Variants in RGL1 observed in about 807,000 individuals in gnomAD.
RGL1 encodes ral guanine nucleotide dissociation stimulator like 1.
Under a neutral mutation model 95.2 loss-of-function variants are expected in RGL1, and 24 were observed. The observed-to-expected ratio is 0.25, with a 90% CI of 0.18 to 0.35. RGL1 has a LOEUF of 0.35. Among genes scored for constraint, RGL1 ranks in the 10% least tolerant of loss-of-function variants. The probability of loss-of-function intolerance (pLI) is 1.00; values close to 1 mark genes in which losing one functional copy is unlikely to be tolerated. For missense variants in RGL1, 715 were observed against 936.3 expected, an observed-to-expected ratio of 0.76 and a Z score of 3.08; for synonymous variants, 329 against 344.9, an observed-to-expected ratio of 0.95 and a Z score of 0.51.
intron 1 of RGL1, among the ~76,000 whole-genome samples, chr1:183,643,164 A>G (rs1228511437): frequency 2.6e-5 from 4 of 152,234 alleles, no homozygotes. Context: ...GTATCCATTC[A>G]TCTGTCAATG....
At chr1:183,805,414 T>A in intron 1 of RGL1, 90 bp downstream of exon 1, 1 of 1,126,954 alleles carries the variant, frequency 8.9e-7, no homozygotes, top group Non-Finnish European at 1.3e-6. Flanking sequence ...TCCCTCGGAG[T>A]GAACGGAGCA....
intron 1 of RGL1, among the ~76,000 whole-genome samples, chr1:183,734,601 T>C (rs751786206): frequency 1.3e-5 from 2 of 152,220 alleles, no homozygotes; most frequent in African/African-American, 2.4e-5. Flanking sequence ...ACTATTGAAC[T>C]GGATGATGCT....
At chr1:183,798,869 C>G (rs1411678125) in intron 2 of RGL1, among the ~76,000 whole-genome samples, 1 of 145,728 alleles carries the variant, frequency 6.9e-6, no homozygotes, top group Non-Finnish European at 1.5e-5. Context: ...CCACAGATGG[C>G]AGGATTTCCT....
chr1:183,726,768 A>T (rs1216854569), intron 1 of RGL1, among the ~76,000 whole-genome samples: 1 of 152,192 alleles, frequency 6.6e-6, no homozygotes, highest in Non-Finnish European at 1.5e-5. Context: ...GCTTGGGACC[A>T]GAAGGACTTT....
At chr1:183,896,330 C>T (rs754098202) in intron 9 of RGL1, among the ~76,000 whole-genome samples, 10 of 152,198 alleles carry the variant, frequency 6.6e-5, no homozygotes, top group South Asian at 2.1e-4. Flanking sequence ...GGATTACAGG[C>T]GCATGCCGCC....
At chr1:183,763,304 G>A (rs1658801470) in intron 2 of RGL1, among the ~76,000 whole-genome samples, 3 of 152,106 alleles carry the variant, frequency 2.0e-5, no homozygotes, top group African/African-American at 4.8e-5. Context: ...GGGTTGATGG[G>A]TGCAGTAAAC....
chr1:183,667,260 G>GT (rs141614031), intron 1 of RGL1, among the ~76,000 whole-genome samples: 10,462 of 152,046 alleles, frequency 0.069, 625 homozygotes, highest in African/African-American at 0.16. Flanking sequence ...GCCAGGTTTT[G>GT]TTTTTTTAGA....
chr1:183,917,971 G>A (rs1669082871), intron 16 of RGL1, among the ~76,000 whole-genome samples: 1 of 152,218 alleles, frequency 6.6e-6, no homozygotes, highest in Admixed American at 6.5e-5. Context: ...ATAAGGGCTT[G>A]AATGACGGTC....
At chr1:183,703,592 A>G (rs1393246743) in intron 1 of RGL1, among the ~76,000 whole-genome samples, 1 of 152,192 alleles carries the variant, frequency 6.6e-6, no homozygotes, top group African/African-American at 2.4e-5. Flanking sequence ...CTGTTTTTCC[A>G]TTATCGTCTA....
chr1:183,894,560 A>AT lies in RGL1; in HGVS notation c.1140+2409dup, dbSNP rs577220536. Among the ~76,000 whole-genome samples, 26 of 149,248 alleles carry AT rather than the reference A, an allele frequency of 1.7e-4. No individual in the cohort carries two copies. The South Asian group carries it at 1.9e-3, about 11-fold the overall frequency. On this transcript the variant is annotated intron_variant, in intron 9 of 17. Transcript: ENST00000360851. ...AATTCTGAGTGTAAATTGTCAGCAC[A>AT]TTTTTTTTTTAAATGGAATCACAAG... is the stretch of plus-strand genomic sequence containing the variant.
intron 2 of RGL1, among the ~76,000 whole-genome samples, chr1:183,794,390 A>T (rs1167069205): frequency 1.3e-5 from 2 of 152,218 alleles, no homozygotes; most frequent in African/African-American, 4.8e-5. Context: ...ACTATAGTTA[A>T]CAGTAATTTA....
chr1:183,755,731 A>C (rs929715695), intron 2 of RGL1, among the ~76,000 whole-genome samples: 15 of 152,320 alleles, frequency 9.8e-5, no homozygotes, highest in Non-Finnish European at 1.8e-4. Flanking sequence ...GAATTAAATA[A>C]ATAAATCAGT....
chr1:183,825,230 G>T (rs1662765734), intron 2 of RGL1, among the ~76,000 whole-genome samples: 2 of 152,184 alleles, frequency 1.3e-5, no homozygotes, highest in South Asian at 2.1e-4. Flanking sequence ...AGGGTTTCTG[G>T]ATTAGAAGAG....
chr1:183,874,891 G>A (rs1180250557), intron 4 of RGL1, among the ~76,000 whole-genome samples: 2 of 151,900 alleles, frequency 1.3e-5, no homozygotes, highest in African/African-American at 4.8e-5. Flanking sequence ...TCTATGATTA[G>A]GAGAACAAGG....
chr1:183,840,204 G>A (rs775667859), intron 2 of RGL1, among the ~76,000 whole-genome samples: 5 of 152,192 alleles, frequency 3.3e-5, no homozygotes, highest in Non-Finnish European at 7.3e-5. Context: ...AGACAAGGTA[G>A]GTCAGAGAAT....
chr1:183,680,275 T>A (rs1653121721), intron 1 of RGL1, among the ~76,000 whole-genome samples: 3 of 152,274 alleles, frequency 2.0e-5, no homozygotes, highest in Admixed American at 2.0e-4. Flanking sequence ...GGTGTTTTAG[T>A]CATGAAGTCT....
intron 5 of RGL1, 105 bp downstream of exon 5, chr1:183,880,905 C>T (rs1392319173): frequency 4.1e-6 from 4 of 976,560 alleles, no homozygotes; most frequent in Non-Finnish European, 6.0e-6. Flanking sequence ...CCTTGGTACC[C>T]TCAAAACAAC....
chr1:183,642,031 A>G (rs184588671), intron 1 of RGL1, among the ~76,000 whole-genome samples: 1 of 152,346 alleles, frequency 6.6e-6, no homozygotes, highest in East Asian at 1.9e-4. Context: ...TAAGCAAAAC[A>G]TTGAAATCAA....
At chr1:183,757,477 T>A (rs1232864002) in intron 2 of RGL1, among the ~76,000 whole-genome samples, 7 of 152,204 alleles carry the variant, frequency 4.6e-5, no homozygotes, top group African/African-American at 1.7e-4. Context: ...AATTTCTATT[T>A]CACTCTGCCA....
Sources: allele counts gnomAD v4.1 joint callset (sites outside exome capture counted in the v4.1 genomes callset), GRCh38; gene constraint gnomAD v4.1.1; transcripts MANE v1.5; gene names NCBI Gene and HGNC (gene_info 2026-07-23, HGNC 2026-07-21).